The following MCPH1 variants were observed in gnomAD, a reference collection of about 807,000 sequenced individuals.
MCPH1 encodes the protein microcephalin 1, also known as microcephalin.
In MCPH1, 104 loss-of-function variants were observed where a neutral mutation model predicts 84.5. The observed-to-expected ratio is 1.23, with a 90% CI of 1.05 to 1.45. The LOEUF is 1.45. MCPH1 is among the 40% of genes most tolerant of loss of function. MCPH1 has a pLI of 0.00. For missense variants in MCPH1, 1,498 were observed against 1,005.7 expected (o/e 1.49, Z -6.62); for synonymous variants, 514 against 366.8 (o/e 1.40, Z -4.58).
rs201251006 is a variant in MCPH1, at chr8:6,531,799, C to T, written c.2214+31870C>T. Reference sequence around the variant, plus strand: ...GCAGCGCTCAGGGCTCTTGCTCGGGCGTAGCACCATCTTTTCTGTGGCTAG... The same window carrying T: ...GCAGCGCTCAGGGCTCTTGCTCGGGTGTAGCACCATCTTTTCTGTGGCTAG... On this transcript the variant is annotated intron_variant, in intron 12 of 13. Coordinates refer to ENST00000344683, the MANE Select transcript of MCPH1 (RefSeq NM_024596.5). 6.6e-3 allele frequency among the ~76,000 whole-genome samples: 532 copies of T among 80,460 alleles called. 8 individuals carry two copies. The East Asian group carries it at 0.066, about 10-fold the overall frequency. 52.8% of individuals were successfully genotyped at this position (80,460 alleles called of 152,430 possible).
In MCPH1 at chr8:6,646,080, T is replaced by C. The variant is rs1246984183; in HGVS notation, c.*3031T>C. The C allele has an allele frequency of 6.6e-6, 1 of 152,128 alleles. No individual in the cohort carries two copies. The highest frequency in any genetic ancestry group is 1.5e-5 in the Non-Finnish European group (1 of 68,012). The allele number at this position is 152,128 out of a possible 1,614,324, so 9.4% of individuals were successfully genotyped here. A position where few individuals can be genotyped will look rare whatever the true frequency, so the allele number is the denominator to read the frequency against. ...CAAAACAATTTTTTTAAGAGCAAAGTTGGAGGATTTATAGAACCTGATTCC... is the reference window on the plus strand; with the variant it reads ...CAAAACAATTTTTTTAAGAGCAAAGCTGGAGGATTTATAGAACCTGATTCC... On this transcript the variant is annotated 3_prime_UTR_variant, in exon 14 of 14. Coordinates refer to ENST00000344683, the MANE Select transcript of MCPH1 (RefSeq NM_024596.5).
intron 12 of MCPH1, among the ~76,000 whole-genome samples, chr8:6,598,050 C>A (rs183075049): frequency 7.9e-5 from 12 of 152,312 alleles, no homozygotes; most frequent in Non-Finnish European, 1.8e-4. Context: ...ATCAGCTCAG[C>A]GGGCCTTCAC....
At position 6,469,851 on chromosome 8, in the gene MCPH1, T is replaced by A. The variant is rs184207732; in HGVS notation, c.1936-7743T>A. 1.4e-4 allele frequency among the ~76,000 whole-genome samples: 21 copies of A among 152,338 alleles called. No homozygotes were observed. The East Asian group carries it at 3.9e-3, about 28-fold the overall frequency. ...TTTTTCTCTCTCTCTCCCTGCTCCC[T>A]CATCTCTACTCCTTTAGAACTTTCA... On this transcript the variant is annotated intron_variant, in intron 9 of 13. Transcript: ENST00000344683.
chr8:6,527,403 A>G (rs998656543), intron 12 of MCPH1: 18 of 892,584 alleles, frequency 2.0e-5, no homozygotes, highest in Non-Finnish European at 2.7e-5. Context: ...AATTTTCTCC[A>G]AGCCCTCTCC....
chr8:6,429,802 G>T (rs1801579309), intron 3 of MCPH1, among the ~76,000 whole-genome samples: 1 of 151,952 alleles, frequency 6.6e-6, no homozygotes, highest in African/African-American at 2.4e-5. Context: ...CACAGTTATT[G>T]CAGTATTCCC....
At position 6,648,252 on chromosome 8, in the gene MCPH1, A is replaced by T. The variant is rs1190807035; in HGVS notation, c.*5203A>T. 6.6e-6 allele frequency: 1 copy of T among 151,974 alleles called. No homozygotes were observed. The highest frequency in any genetic ancestry group is 6.6e-5 in the Admixed American group (1 of 15,258). The allele number at this position is 151,974 out of a possible 1,614,324, so 9.4% of individuals were successfully genotyped here. On this transcript the variant is annotated 3_prime_UTR_variant, in exon 14 of 14. Coordinates refer to ENST00000344683, the MANE Select transcript of MCPH1 (RefSeq NM_024596.5). ...CCTGCAATGTGGTCTAAGCTGTCAG[A>T]CCTCCACAGTGGCCAGAAGGTTTTC...
chr8:6,458,177 A>C (rs1221078775), intron 9 of MCPH1, among the ~76,000 whole-genome samples: 1 of 152,182 alleles, frequency 6.6e-6, no homozygotes, highest in Non-Finnish European at 1.5e-5. Context: ...CAAGGCTTAA[A>C]GTCCTGATTT....
intron 12 of MCPH1, among the ~76,000 whole-genome samples, chr8:6,517,602 G>A (rs1471417236): frequency 2.0e-5 from 3 of 152,222 alleles, no homozygotes; most frequent in Non-Finnish European, 4.4e-5. Flanking sequence ...AGGCAGAGAA[G>A]TTGTCTGGTA....
chr8:6,415,630 A>G (rs1799168545), intron 3 of MCPH1, among the ~76,000 whole-genome samples: 1 of 152,184 alleles, frequency 6.6e-6, no homozygotes, highest in Non-Finnish European at 1.5e-5. Context: ...CTAGGATTAC[A>G]GGTGTGAGCC....
rs1191157056 is a variant in MCPH1, at chr8:6,569,032, A to G, written c.2215-52422A>G. Among the ~76,000 whole-genome samples, 5 of 152,298 alleles carry G rather than the reference A, an allele frequency of 3.3e-5. No homozygotes were observed. In the East Asian group the frequency reaches 9.6e-4, roughly 29 times the overall value. ...CGCCTGGCACACTAAGCTGGGAGGG[A>G]CTTTTGAGACATCTTGGCCATCCAA... On this transcript the variant is annotated intron_variant, in intron 12 of 13. Coordinates refer to ENST00000344683, the MANE Select transcript of MCPH1 (RefSeq NM_024596.5).
chr8:6,604,257 T>C (rs377134067), intron 12 of MCPH1, among the ~76,000 whole-genome samples: 1 of 152,208 alleles, frequency 6.6e-6, no homozygotes, highest in African/African-American at 2.4e-5. Flanking sequence ...CACGGAGCCC[T>C]GTTCTCAGCC....
chr8:6,412,864 TA>T (rs1300559732), intron 2 of MCPH1, among the ~76,000 whole-genome samples: 19 of 152,194 alleles, frequency 1.2e-4, no homozygotes, highest in Admixed American at 7.9e-4. Context: ...ATTTATTGTT[TA>T]AAAAGACTAA....
chr8:6,508,772 A>C, intron 12 of MCPH1: 1 of 1,064,328 alleles, frequency 9.4e-7, no homozygotes, highest in Admixed American at 2.2e-5. Context: ...CTTAGTCTAA[A>C]AAAAGTGAAA....
chr8:6,506,142 G>A (rs1813686858), intron 12 of MCPH1, among the ~76,000 whole-genome samples: 1 of 150,960 alleles, frequency 6.6e-6, no homozygotes, highest in African/African-American at 2.4e-5. Context: ...ATTTGATTCA[G>A]GTGAATGCAG....
At chr8:6,409,244 C>T (rs749314337) in intron 1 of MCPH1, 35 bp from the exon 2 acceptor site, 1 of 1,545,090 alleles carries the variant, frequency 6.5e-7, no homozygotes, top group Admixed American at 1.7e-5. Flanking sequence ...GCTGGAATTT[C>T]AAATGTATGT....
chr8:6,489,318 G>T (rs1484578246), intron 11 of MCPH1, among the ~76,000 whole-genome samples: 1 of 152,042 alleles, frequency 6.6e-6, no homozygotes, highest in Non-Finnish European at 1.5e-5. Context: ...GGGGGAAGGG[G>T]GAGGCAGGGG....
chr8:6,623,018 T>TC (rs1359395952), intron 13 of MCPH1, among the ~76,000 whole-genome samples: 2 of 145,718 alleles, frequency 1.4e-5, no homozygotes, highest in Admixed American at 6.8e-5. Flanking sequence ...ACTTTCTTTT[T>TC]TTTTTTTTTT....
In MCPH1 at chr8:6,537,290, A is replaced by G. The variant is rs184836213; in HGVS notation, c.2214+37361A>G. Among the ~76,000 whole-genome samples, 16 of 152,232 alleles carry G rather than the reference A, an allele frequency of 1.1e-4. 1 individual carries two copies. Among genetic ancestry groups the G allele is most frequent in the African/African-American group, 3.9e-4 (16 of 41,534 alleles). On this transcript the variant is annotated intron_variant, in intron 12 of 13. Coordinates refer to ENST00000344683, the MANE Select transcript of MCPH1 (RefSeq NM_024596.5). ...TCCTGCTGTATATGTGTGCGAGGAC[A>G]GTGTGTGTTTATTTTGTCCTCTTCT...
chr8:6,510,158 CTT>C (rs11395431), intron 12 of MCPH1, among the ~76,000 whole-genome samples: 1 of 146,552 alleles, frequency 6.8e-6, no homozygotes. Context: ...GTTGTTTTTT[CTT>C]TTTTTTTTTT....
Sources: gnomAD v4.1 joint callset for allele counts (sites outside exome capture counted in the v4.1 genomes callset) on GRCh38, gnomAD v4.1.1 for gene constraint, MANE v1.5 for transcripts, NCBI Gene and HGNC (gene_info 2026-07-23, HGNC 2026-07-21) for gene names.